Variants in PDLIM5 observed in about 807,000 individuals in gnomAD.
The protein encoded by PDLIM5 is PDZ and LIM domain 5.
PDLIM5 carries 34 observed loss-of-function variants against 64.2 expected under a neutral mutation model. The ratio of observed to expected loss-of-function variants is 0.53; its 90% CI spans 0.40 to 0.71. The LOEUF (loss-of-function observed/expected upper bound fraction) is 0.71, where lower values mean the gene tolerates loss of function less well. PDLIM5 is among the 30% of genes least tolerant of loss of function. PDLIM5 has a pLI of 0.00. For missense variants in PDLIM5, 683 were observed against 733.6 expected, an observed-to-expected ratio of 0.93 and a Z score of 0.80; for synonymous variants, 253 against 269.1, an observed-to-expected ratio of 0.94 and a Z score of 0.59.
intron 8 of PDLIM5, among the ~76,000 whole-genome samples, chr4:94,623,511 T>A (rs1739419197): frequency 6.6e-6 from 1 of 152,206 alleles, no homozygotes; most frequent in South Asian, 2.1e-4. Flanking sequence ...ATTTCAATAA[T>A]GTCTTTGTTA....
chr4:94,555,923 T>C (rs1225214026), intron 3 of PDLIM5, among the ~76,000 whole-genome samples: 1 of 151,672 alleles, frequency 6.6e-6, no homozygotes, highest in African/African-American at 2.4e-5. Context: ...ATTTTTATTA[T>C]ACTTTAAGTT....
intron 8 of PDLIM5, among the ~76,000 whole-genome samples, chr4:94,627,985 G>A (rs1403463172): frequency 1.3e-5 from 2 of 152,184 alleles, no homozygotes; most frequent in African/African-American, 4.8e-5. Context: ...TATGTACTAA[G>A]TAGTTGTTGA....
At chr4:94,584,967 T>A in intron 5 of PDLIM5, 1 of 1,515,386 alleles carries the variant, frequency 6.6e-7, no homozygotes, top group Non-Finnish European at 9.1e-7. Flanking sequence ...TTCTGCTGCC[T>A]TCCTCTGTCA....
At chr4:94,485,414 T>C (rs931615822) in intron 2 of PDLIM5, among the ~76,000 whole-genome samples, 3 of 152,210 alleles carry the variant, frequency 2.0e-5, no homozygotes, top group African/African-American at 7.2e-5. Context: ...CATCAAGCAA[T>C]ATGATTAGTC....
At chr4:94,606,208 TG>T (rs760438605) in intron 7 of PDLIM5, among the ~76,000 whole-genome samples, 1 of 152,240 alleles carries the variant, frequency 6.6e-6, no homozygotes, top group Non-Finnish European at 1.5e-5. Flanking sequence ...CAGTAACTAT[TG>T]GTATCAGGGA....
chr4:94,577,484 T>TA, intron 5 of PDLIM5: 2 of 339,076 alleles, frequency 5.9e-6, no homozygotes, highest in Non-Finnish European at 5.7e-6. Context: ...TATATATATA[T>TA]TGAGGAAAAC....
chr4:94,664,407 C>G lies in PDLIM5; in HGVS notation c.*340C>G, dbSNP rs1742962607. On this transcript the variant is annotated 3_prime_UTR_variant, in exon 13 of 13. Transcript: ENST00000317968. ...ATCCAATCTGAAATAATTATACCTT[C>G]TTTCCTTGTTAGGTAGTTATGAGTA... 1 of 771,430 alleles carries G rather than the reference C, an allele frequency of 1.3e-6. No individual in the cohort carries two copies. Among genetic ancestry groups the G allele is most frequent in the Admixed American group, 6.2e-5 (1 of 16,188 alleles). The allele number at this position is 771,430 out of a possible 1,614,324, so 47.8% of individuals were successfully genotyped here. A position where few individuals can be genotyped will look rare whatever the true frequency, so the allele number is the denominator to read the frequency against.
intron 2 of PDLIM5, among the ~76,000 whole-genome samples, chr4:94,499,874 G>T (rs377007567): frequency 1.1e-4 from 16 of 152,138 alleles, no homozygotes; most frequent in African/African-American, 3.9e-4. Context: ...TTGCAGGCTC[G>T]TTATGAGAAT....
chr4:94,476,555 A>G (rs1254728359), intron 2 of PDLIM5, among the ~76,000 whole-genome samples: 3 of 152,198 alleles, frequency 2.0e-5, no homozygotes, highest in Admixed American at 2.0e-4. Context: ...GAAAACAGAC[A>G]CGTTTCTGAC....
In PDLIM5 at chr4:94,664,153, T is replaced by C; in HGVS notation, c.*86T>C. On this transcript the variant is annotated 3_prime_UTR_variant, in exon 13 of 13. Coordinates refer to ENST00000317968, the MANE Select transcript of PDLIM5 (RefSeq NM_006457.5). ...AATTAATTTTTAGATTCAATATTTA[T>C]ATGGAGTTTTGAAAAATAATAGTGG... 7.6e-7 allele frequency: 1 copy of C among 1,315,330 alleles called. No homozygotes were observed. Among genetic ancestry groups the C allele is most frequent in the East Asian group, 2.8e-5 (1 of 35,914 alleles). 81.5% of individuals were successfully genotyped at this position (1,315,330 alleles called of 1,614,324 possible).
intron 2 of PDLIM5, among the ~76,000 whole-genome samples, chr4:94,513,541 A>G (rs1729083794): frequency 6.6e-6 from 1 of 152,154 alleles, no homozygotes; most frequent in African/African-American, 2.4e-5. Context: ...TAGAAATGCT[A>G]CTGATTTTTG....
Position 94,664,464 on chromosome 4 carries a change from T to C in PDLIM5, c.*397T>C. On this transcript the variant is annotated 3_prime_UTR_variant, in exon 13 of 13. Coordinates refer to ENST00000317968, the MANE Select transcript of PDLIM5 (RefSeq NM_006457.5). ...CAAAAGGCAATGAAAATGCCTTAAA[T>C]TTTATCAATAACAGAATTATTGTAT... is the stretch of plus-strand genomic sequence containing the variant. 1.3e-6 allele frequency: 1 copy of C among 757,836 alleles called. No individual in the cohort carries two copies. Among genetic ancestry groups the C allele is most frequent in the Non-Finnish European group, 1.6e-6 (1 of 622,822 alleles). 46.9% of individuals were successfully genotyped at this position (757,836 alleles called of 1,614,324 possible).
At chr4:94,460,515 G>C (rs1418670854) in intron 2 of PDLIM5, among the ~76,000 whole-genome samples, 1 of 151,874 alleles carries the variant, frequency 6.6e-6, no homozygotes, top group Non-Finnish European at 1.5e-5. Context: ...CAGCATTTTG[G>C]GAGGACAAGG....
intron 3 of PDLIM5, among the ~76,000 whole-genome samples, chr4:94,530,271 T>C (rs1163328757): frequency 1.3e-5 from 2 of 152,096 alleles, no homozygotes; most frequent in Non-Finnish European, 2.9e-5. Context: ...AGCTTGCTAT[T>C]AGATCAAACC....
At chr4:94,457,775 A>G (rs1020502695) in intron 2 of PDLIM5, among the ~76,000 whole-genome samples, 1 of 152,254 alleles carries the variant, frequency 6.6e-6, no homozygotes, top group African/African-American at 2.4e-5. Context: ...GTGTACATAC[A>G]TATGTGCCCT....
chr4:94,621,373 A>C (rs1047711146), intron 8 of PDLIM5, among the ~76,000 whole-genome samples: 1 of 152,160 alleles, frequency 6.6e-6, no homozygotes, highest in Non-Finnish European at 1.5e-5. Context: ...TATTTATTTA[A>C]AGCCTATGTA....
chr4:94,501,948 G>A (rs987052850), intron 2 of PDLIM5, among the ~76,000 whole-genome samples: 5 of 152,228 alleles, frequency 3.3e-5, no homozygotes, highest in Non-Finnish European at 7.3e-5. Flanking sequence ...TATGGAGTAA[G>A]GTTCAGTAGG....
At chr4:94,456,123 T>C in intron 2 of PDLIM5, 1 of 641,792 alleles carries the variant, frequency 1.6e-6, no homozygotes, top group Non-Finnish European at 2.3e-6. Context: ...ATTATATAAG[T>C]TTCTAAAAGG....
At chr4:94,486,015 G>A (rs75653031) in intron 2 of PDLIM5, among the ~76,000 whole-genome samples, 3,097 of 152,188 alleles carry the variant, frequency 0.02, 80 homozygotes, top group African/African-American at 0.064. Flanking sequence ...TCAGGAAGGC[G>A]GAACTGGGGA....
Sources: allele counts gnomAD v4.1 joint callset (sites outside exome capture counted in the v4.1 genomes callset), GRCh38; gene constraint gnomAD v4.1.1; transcripts MANE v1.5; gene names NCBI Gene and HGNC (gene_info 2026-07-23, HGNC 2026-07-21).